The following MCM3AP variants were observed in gnomAD, a reference collection of about 807,000 sequenced individuals.
The protein encoded by MCM3AP is germinal-center associated nuclear protein.
In MCM3AP, 126 loss-of-function variants were observed where a neutral mutation model predicts 184.1. That is an observed-to-expected ratio of 0.68 (90% CI 0.59 to 0.79). MCM3AP has a LOEUF of 0.79. MCM3AP is among the 30% of genes least tolerant of loss of function. The pLI is 0.00. For synonymous variants in MCM3AP, 1,002 were observed against 979.3 expected (o/e 1.02, Z -0.43); for missense variants, 2,496 against 2,479.2 (o/e 1.01, Z -0.14).
chr21:46,269,259 G>A (rs1402731936), intron 9 of MCM3AP, among the ~76,000 whole-genome samples: 1 of 151,868 alleles, frequency 6.6e-6, no homozygotes, highest in Non-Finnish European at 1.5e-5. Context: ...GACTACAGGA[G>A]CATCCCACCA....
At chr21:46,280,181 C>T (rs750335309) in intron 3 of MCM3AP, 44 bp from the exon 4 acceptor site, 9 of 1,596,052 alleles carry the variant, frequency 5.6e-6, no homozygotes, top group Non-Finnish European at 7.7e-6. Flanking sequence ...AATCACAGAT[C>T]ACCTGGAACT....
At chr21:46,236,753 G>T in intron 27 of MCM3AP, 76 bp downstream of exon 27, 1 of 983,360 alleles carries the variant, frequency 1.0e-6, no homozygotes, top group South Asian at 1.7e-5. Flanking sequence ...GATAAATCGT[G>T]ATATTACTTT....
Position 46,270,397 on chromosome 21 carries a change from T to G in MCM3AP, c.2628+4A>C, listed in dbSNP as rs752127172. The G allele has an allele frequency of 2.6e-5, 42 of 1,607,962 alleles. No individual in the cohort carries two copies. The highest frequency in any genetic ancestry group is 3.6e-5 in the Non-Finnish European group (42 of 1,177,908). On this transcript the variant is annotated splice_donor_region_variant and intron_variant, in intron 9 of 27. Transcript: ENST00000291688. ...AACTCTGCAAGCACAGCTCATTTAC[T>G]CACCTGACTGAAGTAACAGTGTAAA... is the stretch of plus-strand genomic sequence containing the variant.
intron 24 of MCM3AP, 54 bp from the exon 25 acceptor site, chr21:46,242,985 CAAAA>C (rs56371413): frequency 4.9e-5 from 50 of 1,019,744 alleles, no homozygotes; most frequent in East Asian, 9.3e-5. Context: ...AACCCTGTCT[CAAAA>C]AAAAAAAAAA....
chr21:46,255,911 A>T (rs983040928), intron 17 of MCM3AP, among the ~76,000 whole-genome samples: 1 of 152,158 alleles, frequency 6.6e-6, no homozygotes, highest in African/African-American at 2.4e-5. Context: ...CATGGGTCAG[A>T]GGAGCCAGGC....
Position 46,235,242 on chromosome 21 carries a change from G to C in MCM3AP, c.*26C>G. 1 of 1,611,514 alleles carries C rather than the reference G, an allele frequency of 6.2e-7. No homozygotes were observed. The highest frequency in any genetic ancestry group is 1.1e-5 in the South Asian group (1 of 90,918). ...GTAAAAACAGAAACTCTTCGGGAGAGACCCCCTCCCCACAGGTCAGGCTGC... is the reference window on the plus strand; with the variant it reads ...GTAAAAACAGAAACTCTTCGGGAGACACCCCCTCCCCACAGGTCAGGCTGC... On this transcript the variant is annotated 3_prime_UTR_variant, in exon 28 of 28. Transcript: ENST00000291688.
intron 7 of MCM3AP, 101 bp from the exon 8 acceptor site, chr21:46,272,930 G>T: frequency 8.6e-7 from 1 of 1,163,250 alleles, no homozygotes; most frequent in South Asian, 1.6e-5. Flanking sequence ...TTTTCAATTT[G>T]AAACAAAGCC....
Position 46,272,701 on chromosome 21 carries a change from A to G in MCM3AP, c.2325T>C (p.Asn775=), listed in dbSNP as rs140957702. The G allele has an allele frequency of 3.8e-5, 61 of 1,614,076 alleles. No homozygotes were observed. Among genetic ancestry groups the G allele is most frequent in the Non-Finnish European group, 5.2e-5 (61 of 1,180,044 alleles). Residue 775 remains asparagine (N), a synonymous_variant, in exon 8 of 28, where the codon AAT becomes AAC. Transcript: ENST00000291688. The stretch of plus-strand genomic sequence containing the variant: ...GCAGGCACTTGGTCATGTTCTCATT[A>G]TTGATCTTGGCATCAAAGGAGGACA... ...EPMSSFDAKI[N]NENMTKCLQS... is the part of the protein sequence containing the mutation.
At chr21:46,239,867 G>A (rs2080622508) in intron 26 of MCM3AP, among the ~76,000 whole-genome samples, 1 of 152,118 alleles carries the variant, frequency 6.6e-6, no homozygotes, top group Non-Finnish European at 1.5e-5. Flanking sequence ...CATCCTAGGA[G>A]CAAGGAGGGG....
intron 9 of MCM3AP, among the ~76,000 whole-genome samples, chr21:46,268,377 G>C (rs1025909030): frequency 5.3e-5 from 8 of 152,212 alleles, no homozygotes; most frequent in Non-Finnish European, 1.5e-5. Context: ...CGTTTTTAAT[G>C]CTGAGAGTAC....
chr21:46,254,353 C>G, intron 19 of MCM3AP, 39 bp downstream of exon 19: 2 of 1,612,248 alleles, frequency 1.2e-6, no homozygotes, highest in Non-Finnish European at 1.7e-6. Context: ...CTGCCCACTC[C>G]ACCTCTTGGA....
At chr21:46,260,737 A>G in intron 15 of MCM3AP, 56 bp downstream of exon 15, 1 of 1,244,888 alleles carries the variant, frequency 8.0e-7, no homozygotes, top group South Asian at 1.2e-5. Flanking sequence ...GACACAGCCT[A>G]GGGCAGAGCC....
At position 46,284,918 on chromosome 21, in the gene MCM3AP, G is replaced by C; in HGVS notation, c.369C>G (p.Ser123Arg). 3 of 1,614,170 alleles carry C rather than the reference G, an allele frequency of 1.9e-6. No homozygotes were observed. The highest frequency in any genetic ancestry group is 2.5e-6 in the Non-Finnish European group (3 of 1,180,034). The change falls in exon 1 of 28, where the codon AGC becomes AGG. Residue 123 changes from serine (S) to arginine (R), a missense_variant. Coordinates refer to ENST00000291688, the MANE Select transcript of MCM3AP (RefSeq NM_003906.5). ...KSPTSVGAFPSTSAFGQEAGE... is the reference protein window; with the variant it reads ...KSPTSVGAFPRTSAFGQEAGE... ...CAGCTTCTTGTCCAAAAGCAGAAGT[G>C]CTTGGGAAAGCCCCAACACTGGTGG... is the stretch of plus-strand genomic sequence containing the variant.
chr21:46,278,843 T>C (rs980798801), intron 4 of MCM3AP, among the ~76,000 whole-genome samples: 1 of 152,068 alleles, frequency 6.6e-6, no homozygotes, highest in African/African-American at 2.4e-5. Context: ...CCGGCTAATT[T>C]TTTGTATTTT....
rs913980164 is a variant in MCM3AP at position 46,251,446 on chromosome 21, G to T, written c.4290+83C>A. On this transcript the variant is annotated intron_variant, in intron 20 of 27. Transcript: ENST00000291688. Reference sequence around the variant, plus strand: ...TCAAAACCACATTAGGGAATAAGCAGTATTTGCATGGTTCCAGTGATATCT... The same window carrying T: ...TCAAAACCACATTAGGGAATAAGCATTATTTGCATGGTTCCAGTGATATCT... 5 of 1,176,426 alleles carry T rather than the reference G, an allele frequency of 4.3e-6. No homozygotes were observed. In the African/African-American group the frequency reaches 4.5e-5, roughly 11 times the overall value. 72.9% of individuals were successfully genotyped at this position (1,176,426 alleles called of 1,614,324 possible). A position where few individuals can be genotyped will look rare whatever the true frequency, so the allele number is the denominator to read the frequency against.
chr21:46,284,263 T>A lies in MCM3AP; in HGVS notation c.1024A>T (p.Ile342Leu). 6.2e-7 allele frequency: 1 copy of A among 1,614,202 alleles called. No homozygotes were observed. The highest frequency in any genetic ancestry group is 8.5e-7 in the Non-Finnish European group (1 of 1,180,042). ...PRGGTLFGRT[I>L]QDVFKSNKEV... ...TTATTGCTTTTGAAAACATCCTGTA[T>A]CGTCCGACCAAATAAAGTACCTCCC... Residue 342 changes from isoleucine to leucine, a missense_variant, in exon 1 of 28, where the codon ATA becomes TTA. Ile to Leu is a conservative substitution (Grantham distance 5). Coordinates refer to ENST00000291688, the MANE Select transcript of MCM3AP (RefSeq NM_003906.5).
At chr21:46,277,331 T>C (rs144154928) in intron 5 of MCM3AP, among the ~76,000 whole-genome samples, 196 bp downstream of exon 5, 14 of 152,170 alleles carry the variant, frequency 9.2e-5, no homozygotes, top group East Asian at 5.8e-4. Flanking sequence ...GCAAACATAT[T>C]TGCACATTTA....
intron 7 of MCM3AP, 115 bp downstream of exon 7, chr21:46,273,273 C>A (rs1262953621): frequency 5.8e-6 from 6 of 1,032,094 alleles, no homozygotes; most frequent in Non-Finnish European, 8.6e-6. Context: ...CTGCACCTGG[C>A]CCACAAAAGT....
chr21:46,279,262 T>C (rs947773127), intron 4 of MCM3AP, among the ~76,000 whole-genome samples: 1 of 38,516 alleles, frequency 2.6e-5, no homozygotes, highest in Non-Finnish European at 5.9e-5. Context: ...AACTCCAACC[T>C]GGGCAACAGC....
Sources: gnomAD v4.1 joint callset for allele counts (sites outside exome capture counted in the v4.1 genomes callset) on GRCh38, gnomAD v4.1.1 for gene constraint, MANE v1.5 for transcripts, NCBI Gene and HGNC (gene_info 2026-07-23, HGNC 2026-07-21) for gene names.